Variants in XIRP2 observed in about 807,000 individuals in gnomAD.
The protein encoded by XIRP2 is xin actin binding repeat containing 2.
In XIRP2, 236 loss-of-function variants were observed where a neutral mutation model predicts 277.0. That is an observed-to-expected ratio of 0.85 (90% confidence interval 0.77 to 0.95). The LOEUF is 0.95. Ranked by LOEUF, XIRP2 falls within the 40% of genes least tolerant of loss-of-function variation. The pLI, the probability that XIRP2 is intolerant of heterozygous loss-of-function variation, is 0.00. For missense variants in XIRP2, 4,640 were observed against 4,157.5 expected, an observed-to-expected ratio of 1.12 and a Z score of -3.19; for synonymous variants, 1,490 against 1,416.5, an observed-to-expected ratio of 1.05 and a Z score of -1.17.
At chr2:167,004,673 A>T (rs1687460959) in intron 2 of XIRP2, among the ~76,000 whole-genome samples, 1 of 151,914 alleles carries the variant, frequency 6.6e-6, no homozygotes, top group Admixed American at 6.6e-5. Context: ...TATAGCAGAA[A>T]CAGAATTCAG....
At chr2:166,996,212 G>C (rs1687217135) in intron 2 of XIRP2, among the ~76,000 whole-genome samples, 1 of 152,198 alleles carries the variant, frequency 6.6e-6, no homozygotes, top group African/African-American at 2.4e-5. Context: ...GAATGAGTGA[G>C]TGAGTGAACT....
intron 2 of XIRP2, among the ~76,000 whole-genome samples, chr2:167,036,967 C>T (rs772983998): frequency 6.6e-5 from 10 of 152,178 alleles, no homozygotes; most frequent in Non-Finnish European, 1.5e-4. Flanking sequence ...TGCCTTTCAC[C>T]CTCCGCCATG....
chr2:167,256,035 A>G (rs1695644899), intron 10 of XIRP2, among the ~76,000 whole-genome samples: 1 of 151,300 alleles, frequency 6.6e-6, no homozygotes, highest in Non-Finnish European at 1.5e-5. Flanking sequence ...ATACCCACAG[A>G]TTTTTTTCTT....
intron 2 of XIRP2, among the ~76,000 whole-genome samples, chr2:167,030,243 T>G (rs991606424): frequency 1.3e-5 from 2 of 152,162 alleles, no homozygotes; most frequent in Non-Finnish European, 2.9e-5. Context: ...GGTTATTTCT[T>G]GTCTTCCACC....
At chr2:167,087,578 G>C (rs1689997379) in intron 2 of XIRP2, among the ~76,000 whole-genome samples, 1 of 152,170 alleles carries the variant, frequency 6.6e-6, no homozygotes, top group Non-Finnish European at 1.5e-5. Flanking sequence ...AGACTGCTAT[G>C]CTAGCAATCA....
At chr2:167,086,199 T>C (rs924715412) in intron 2 of XIRP2, among the ~76,000 whole-genome samples, 54 of 152,302 alleles carry the variant, frequency 3.5e-4, no homozygotes, top group African/African-American at 1.2e-3. Flanking sequence ...CCTGCACTTA[T>C]GAAGCTTAGT....
intron 2 of XIRP2, among the ~76,000 whole-genome samples, chr2:166,956,458 G>A (rs932412848): frequency 4.0e-5 from 6 of 151,814 alleles, no homozygotes; most frequent in African/African-American, 1.5e-4. Context: ...TTGTCTGTGT[G>A]TGCATGTGAC....
chr2:167,081,938 T>A (rs2105262830), intron 2 of XIRP2, among the ~76,000 whole-genome samples: 1 of 49,928 alleles, frequency 2.0e-5, no homozygotes, highest in East Asian at 4.7e-4. Context: ...CACTTAACCA[T>A]GTATTTTCTT....
intron 2 of XIRP2, among the ~76,000 whole-genome samples, chr2:167,092,499 A>G (rs1475339682): frequency 2.0e-5 from 3 of 152,098 alleles, no homozygotes; most frequent in African/African-American, 7.2e-5. Flanking sequence ...TTCAGTATAA[A>G]AGTATTTTTT....
intron 6 of XIRP2, 64 bp downstream of exon 6, chr2:167,240,029 G>A (rs2105428955): frequency 7.2e-7 from 1 of 1,396,454 alleles, no homozygotes; most frequent in South Asian, 1.4e-5. Context: ...TTATGACTTT[G>A]TTGTAAGCAT....
intron 2 of XIRP2, among the ~76,000 whole-genome samples, chr2:167,086,846 A>C (rs1462809560): frequency 5.3e-5 from 8 of 151,328 alleles, no homozygotes; most frequent in Non-Finnish European, 1.2e-4. Flanking sequence ...ACATTCTTCT[A>C]AATTTTTTTC....
At chr2:167,004,825 G>A (rs1234477860) in intron 2 of XIRP2, among the ~76,000 whole-genome samples, 3 of 151,736 alleles carry the variant, frequency 2.0e-5, no homozygotes, top group Non-Finnish European at 4.4e-5. Context: ...CAGAAACTAA[G>A]GCCAATCCAC....
chr2:166,937,317 AAGGCC>A (rs1685546786), intron 2 of XIRP2, among the ~76,000 whole-genome samples: 1 of 152,182 alleles, frequency 6.6e-6, no homozygotes, highest in Admixed American at 6.6e-5. Flanking sequence ...AATTTTGTCA[AAGGCC>A]TTTTCTGCAT....
intron 3 of XIRP2, among the ~76,000 whole-genome samples, chr2:167,140,461 ACAGAGTAGTTC>A (rs1472501239): frequency 8.5e-5 from 13 of 152,178 alleles, no homozygotes; most frequent in African/African-American, 3.1e-4. Context: ...ACATTTAGTC[ACAGAGTAGTTC>A]CAGCTAACAC....
At chr2:167,201,246 GA>G (rs879388785) in intron 3 of XIRP2, among the ~76,000 whole-genome samples, 1 of 96,716 alleles carries the variant, frequency 1.0e-5, no homozygotes, top group Non-Finnish European at 1.8e-5. Flanking sequence ...AAGAAAGAAA[GA>G]AAGAAAGAAA....
intron 2 of XIRP2, among the ~76,000 whole-genome samples, chr2:167,062,884 A>T (rs547523371): frequency 1.5e-4 from 23 of 151,962 alleles, no homozygotes; most frequent in East Asian, 5.8e-4. Context: ...TGATCTTTTC[A>T]AAAAACCAAC....
At chr2:167,028,928 A>C (rs1688249569) in intron 2 of XIRP2, among the ~76,000 whole-genome samples, 1 of 151,764 alleles carries the variant, frequency 6.6e-6, no homozygotes. Flanking sequence ...GACATACTGA[A>C]AAATACCTCA....
intron 2 of XIRP2, among the ~76,000 whole-genome samples, chr2:167,070,761 C>T (rs1021952100): frequency 6.6e-5 from 10 of 152,036 alleles, no homozygotes; most frequent in African/African-American, 2.4e-4. Context: ...GCATACCAGG[C>T]TCAAGGAAAG....
At chr2:167,115,443 C>T (rs1453284219) in intron 2 of XIRP2, among the ~76,000 whole-genome samples, 2 of 152,132 alleles carry the variant, frequency 1.3e-5, no homozygotes, top group African/African-American at 4.8e-5. Flanking sequence ...TTTGAGCTGC[C>T]AGAGTCCTTG....
Sources: allele counts gnomAD v4.1 joint callset (sites outside exome capture counted in the v4.1 genomes callset), GRCh38; gene constraint gnomAD v4.1.1; transcripts MANE v1.5; gene names NCBI Gene and HGNC (gene_info 2026-07-23, HGNC 2026-07-21).